The following SGCZ variants were observed in gnomAD, a reference collection of about 807,000 sequenced individuals.
SGCZ encodes sarcoglycan zeta.
In SGCZ, 40 loss-of-function variants were observed where a neutral mutation model predicts 41.3. The ratio of observed to expected loss-of-function variants is 0.97; its 90% confidence interval spans 0.75 to 1.26. The LOEUF is 1.26. SGCZ is among the 50% of genes most tolerant of loss of function. The pLI, the probability that SGCZ is intolerant of heterozygous loss-of-function variation, is 0.00. For missense variants in SGCZ, 552 were observed against 369.8 expected (o/e 1.49, Z -4.04); for synonymous variants, 206 against 137.5 (o/e 1.50, Z -3.49).
intron 3 of SGCZ, among the ~76,000 whole-genome samples, chr8:14,321,531 G>A (rs993035006): frequency 4.5e-5 from 6 of 133,366 alleles, no homozygotes; most frequent in African/African-American, 1.5e-4. Context: ...CTAAAGGCCT[G>A]TACAACCACA....
intron 1 of SGCZ, among the ~76,000 whole-genome samples, chr8:14,616,921 A>C (rs1412514684): frequency 6.6e-6 from 1 of 152,156 alleles, no homozygotes; most frequent in Admixed American, 6.5e-5. Context: ...AATTACCTTT[A>C]GGTTGTTCTC....
chr8:14,886,961 T>TG (rs1214381492), intron 1 of SGCZ, among the ~76,000 whole-genome samples: 1 of 151,734 alleles, frequency 6.6e-6, no homozygotes, highest in African/African-American at 2.4e-5. Context: ...TAGATTACAG[T>TG]GGGGGGTAAG....
At chr8:14,481,651 G>T (rs1043436361) in intron 2 of SGCZ, among the ~76,000 whole-genome samples, 4 of 151,802 alleles carry the variant, frequency 2.6e-5, no homozygotes, top group Non-Finnish European at 5.9e-5. Context: ...AAAGTGGAAG[G>T]GAGTTTTTTT....
chr8:14,814,533 T>C (rs1801839094), intron 1 of SGCZ, among the ~76,000 whole-genome samples: 1 of 152,226 alleles, frequency 6.6e-6, no homozygotes, highest in Admixed American at 6.5e-5. Context: ...GAACCAAGTA[T>C]GTAAAGCAGC....
At chr8:14,368,154 C>G (rs1003246273) in intron 2 of SGCZ, among the ~76,000 whole-genome samples, 5 of 151,972 alleles carry the variant, frequency 3.3e-5, no homozygotes, top group African/African-American at 9.6e-5. Flanking sequence ...CTAAATGGTT[C>G]TTTCAATTTA....
chr8:14,905,267 A>G (rs1335105454), intron 1 of SGCZ, among the ~76,000 whole-genome samples: 1 of 152,076 alleles, frequency 6.6e-6, no homozygotes, highest in Non-Finnish European at 1.5e-5. Flanking sequence ...AAATAGACAA[A>G]AGCTATAAAG....
chr8:14,449,019 A>T, intron 2 of SGCZ, among the ~76,000 whole-genome samples: 1 of 152,172 alleles, frequency 6.6e-6, no homozygotes, highest in Non-Finnish European at 1.5e-5. Flanking sequence ...CATTCCAGAC[A>T]AACAGATAGA....
At chr8:14,582,139 T>C (rs765878052) in intron 1 of SGCZ, among the ~76,000 whole-genome samples, 1 of 152,176 alleles carries the variant, frequency 6.6e-6, no homozygotes. Context: ...AGTAACATTT[T>C]ATTTCTCTAA....
At chr8:14,312,202 C>A (rs7007516) in intron 3 of SGCZ, among the ~76,000 whole-genome samples, 1 of 151,952 alleles carries the variant, frequency 6.6e-6, no homozygotes, top group Non-Finnish European at 1.5e-5. Context: ...AGATTTGAAA[C>A]GTTCAGAACG....
intron 2 of SGCZ, among the ~76,000 whole-genome samples, chr8:14,493,424 C>T (rs940567307): frequency 9.2e-6 from 1 of 109,088 alleles, no homozygotes; most frequent in East Asian, 3.0e-4. Flanking sequence ...TGGAGTACAG[C>T]GGCATGATCT....
intron 1 of SGCZ, among the ~76,000 whole-genome samples, chr8:15,176,394 T>G (rs1800002162): frequency 6.6e-6 from 1 of 152,216 alleles, no homozygotes; most frequent in Non-Finnish European, 1.5e-5. Context: ...AGTGCATGTC[T>G]ATAAATACTT....
At chr8:14,749,214 T>A (rs553481701) in intron 1 of SGCZ, among the ~76,000 whole-genome samples, 2 of 152,318 alleles carry the variant, frequency 1.3e-5, no homozygotes, top group Non-Finnish European at 1.5e-5. Context: ...TATTTTTATT[T>A]GATTTACTTT....
intron 1 of SGCZ, among the ~76,000 whole-genome samples, chr8:15,201,236 C>T (rs1401694741): frequency 1.3e-5 from 2 of 152,128 alleles, no homozygotes; most frequent in African/African-American, 4.8e-5. Context: ...GGGCTGGTCT[C>T]GAACTCCTGA....
intron 3 of SGCZ, among the ~76,000 whole-genome samples, chr8:14,296,323 G>C (rs1801011968): frequency 6.6e-6 from 1 of 152,102 alleles, no homozygotes; most frequent in Admixed American, 6.6e-5. Context: ...TCCATACCCA[G>C]GAGAAAAGCT....
intron 1 of SGCZ, among the ~76,000 whole-genome samples, chr8:14,927,160 G>A (rs996123316): frequency 7.6e-6 from 1 of 131,418 alleles, no homozygotes; most frequent in African/African-American, 2.9e-5. Context: ...CCAGGCTGGA[G>A]TGCAATGGCG....
At chr8:14,673,651 A>G (rs975261305) in intron 1 of SGCZ, among the ~76,000 whole-genome samples, 10 of 152,278 alleles carry the variant, frequency 6.6e-5, no homozygotes, top group African/African-American at 2.4e-4. Flanking sequence ...GACTAATACA[A>G]TGGTAAATAT....
At chr8:14,220,525 G>A (rs1348378606) in intron 4 of SGCZ, among the ~76,000 whole-genome samples, 1 of 151,914 alleles carries the variant, frequency 6.6e-6, no homozygotes, top group African/African-American at 2.4e-5. Context: ...AATCCCTCAG[G>A]GGACGCCTTT....
At chr8:14,455,788 G>T (rs1229163236) in intron 2 of SGCZ, among the ~76,000 whole-genome samples, 1 of 152,160 alleles carries the variant, frequency 6.6e-6, no homozygotes, top group African/African-American at 2.4e-5. Flanking sequence ...ATGAGGACAG[G>T]CTCTATGGAC....
In SGCZ at chr8:14,235,368, T is replaced by C. The variant is rs181745024; in HGVS notation, c.424+2224A>G. Among the ~76,000 whole-genome samples, 339 of 152,302 alleles carry C rather than the reference T, an allele frequency of 2.2e-3. 1 individual carries two copies. Among genetic ancestry groups the C allele is most frequent in the African/African-American group, 6.7e-3 (279 of 41,558 alleles). Reference sequence around the variant, plus strand: ...GTAAGCCTCAGTAGAATAAATGCATTTCTCCGCACAACAAGCTGCTGTGTC... The same window carrying C: ...GTAAGCCTCAGTAGAATAAATGCATCTCTCCGCACAACAAGCTGCTGTGTC... On this transcript the variant is annotated intron_variant, in intron 4 of 7. Coordinates refer to ENST00000382080, the MANE Select transcript of SGCZ (RefSeq NM_139167.4).
Sources: allele counts gnomAD v4.1 joint callset (sites outside exome capture counted in the v4.1 genomes callset), GRCh38; gene constraint gnomAD v4.1.1; transcripts MANE v1.5; gene names NCBI Gene and HGNC (gene_info 2026-07-23, HGNC 2026-07-21).